Variants in PTPRG observed in about 807,000 individuals in gnomAD.
The protein encoded by PTPRG is protein tyrosine phosphatase receptor type G.
In PTPRG, 102 loss-of-function variants were observed where a neutral mutation model predicts 165.3. The observed-to-expected ratio is 0.62, with a 90% CI of 0.53 to 0.73. PTPRG has a LOEUF of 0.73. PTPRG is among the 30% of genes least tolerant of loss of function. The probability of loss-of-function intolerance (pLI) is 0.00; values close to 1 mark genes in which losing one functional copy is unlikely to be tolerated. For missense variants in PTPRG, 1,866 were observed against 1,861.4 expected (o/e 1.00, Z -0.05); for synonymous variants, 675 against 669.5 (o/e 1.01, Z -0.13).
chr3:61,728,589 A>C (rs1444547972), intron 1 of PTPRG, among the ~76,000 whole-genome samples: 1 of 152,278 alleles, frequency 6.6e-6, no homozygotes, highest in Non-Finnish European at 1.5e-5. Flanking sequence ...TCTCAAAAAA[A>C]ACAAGTTAAA....
chr3:62,024,359 T>C (rs1016855031), intron 4 of PTPRG, among the ~76,000 whole-genome samples: 2 of 152,036 alleles, frequency 1.3e-5, no homozygotes, highest in Non-Finnish European at 2.9e-5. Flanking sequence ...TATAATTATT[T>C]TGGCAATAGT....
chr3:62,052,742 C>T (rs1700505137), intron 4 of PTPRG, among the ~76,000 whole-genome samples: 1 of 152,064 alleles, frequency 6.6e-6, no homozygotes, highest in Admixed American at 6.6e-5. Context: ...AACTCTCTTG[C>T]TCACATTCTG....
intron 11 of PTPRG, 21 bp downstream of exon 11, chr3:62,201,575 T>G: frequency 1.2e-6 from 2 of 1,606,894 alleles, no homozygotes; most frequent in Non-Finnish European, 1.7e-6. Context: ...AATGGGAAAT[T>G]GCTTTGTCGT....
intron 4 of PTPRG, among the ~76,000 whole-genome samples, chr3:62,050,229 T>A (rs1011677041): frequency 1.3e-5 from 2 of 152,204 alleles, no homozygotes; most frequent in African/African-American, 4.8e-5. Flanking sequence ...ATCACATATA[T>A]GACAGTGGTT....
intron 4 of PTPRG, among the ~76,000 whole-genome samples, chr3:62,044,393 G>A (rs1213610071): frequency 6.6e-6 from 1 of 152,142 alleles, no homozygotes; most frequent in African/African-American, 2.4e-5. Flanking sequence ...ACAAAAATTA[G>A]CCGGGCATGG....
chr3:61,738,253 CAT>C (rs1491408620), intron 1 of PTPRG, among the ~76,000 whole-genome samples: 3 of 23,830 alleles, frequency 1.3e-4, no homozygotes, highest in Non-Finnish European at 8.1e-5. Flanking sequence ...CTTCTTTGTC[CAT>C]TTTTATATAT....
intron 2 of PTPRG, among the ~76,000 whole-genome samples, chr3:61,928,811 G>T (rs138176217): frequency 6.6e-6 from 1 of 152,178 alleles, no homozygotes; most frequent in East Asian, 1.9e-4. Context: ...CAGATGTATT[G>T]TGACAGTCTA....
At chr3:61,938,469 A>C (rs1180658509) in intron 2 of PTPRG, among the ~76,000 whole-genome samples, 3 of 152,176 alleles carry the variant, frequency 2.0e-5, no homozygotes, top group African/African-American at 7.2e-5. Flanking sequence ...AATCAAATTC[A>C]ATTTTAGGTG....
At chr3:61,600,192 ATGTGTGTGTG>A (rs1258297289) in intron 1 of PTPRG, among the ~76,000 whole-genome samples, 3 of 106,638 alleles carry the variant, frequency 2.8e-5, no homozygotes, top group South Asian at 3.6e-4. Context: ...ATATATATAT[ATGTGTGTGTG>A]TGTGTGTGTG....
At chr3:61,870,276 C>G (rs2037528084) in intron 2 of PTPRG, among the ~76,000 whole-genome samples, 1 of 151,434 alleles carries the variant, frequency 6.6e-6, no homozygotes, top group Non-Finnish European at 1.5e-5. Context: ...AACATACTTT[C>G]CTGATGCTAA....
At chr3:61,935,346 C>T (rs958346044) in intron 2 of PTPRG, among the ~76,000 whole-genome samples, 1 of 152,130 alleles carries the variant, frequency 6.6e-6, no homozygotes, top group Non-Finnish European at 1.5e-5. Flanking sequence ...TGATGGACAT[C>T]CTGTCTTCTC....
chr3:61,865,122 G>A (rs1394742220), intron 2 of PTPRG, among the ~76,000 whole-genome samples: 1 of 152,170 alleles, frequency 6.6e-6, no homozygotes, highest in Non-Finnish European at 1.5e-5. Flanking sequence ...TGGTATTTTT[G>A]TCCAGGAGCA....
chr3:62,031,506 T>A (rs1699768735), intron 4 of PTPRG, among the ~76,000 whole-genome samples: 1 of 152,170 alleles, frequency 6.6e-6, no homozygotes, highest in Non-Finnish European at 1.5e-5. Flanking sequence ...GTAATGAGTT[T>A]GGATTTTATT....
At chr3:61,649,409 G>C (rs1037454776) in intron 1 of PTPRG, among the ~76,000 whole-genome samples, 1 of 152,132 alleles carries the variant, frequency 6.6e-6, no homozygotes, top group African/African-American at 2.4e-5. Flanking sequence ...TCAGCTGTCT[G>C]GTGAGGGTTT....
chr3:62,094,477 T>G (rs1052529388), intron 5 of PTPRG, among the ~76,000 whole-genome samples: 1 of 152,208 alleles, frequency 6.6e-6, no homozygotes, highest in Non-Finnish European at 1.5e-5. Flanking sequence ...TCGTGAGAGC[T>G]TCGTGTTTTC....
chr3:62,076,497 TG>T (rs937089575), intron 4 of PTPRG, among the ~76,000 whole-genome samples: 7 of 149,122 alleles, frequency 4.7e-5, no homozygotes, highest in African/African-American at 1.8e-4. Context: ...TGGTTTTTTT[TG>T]TTTGTTTGTT....
chr3:62,048,757 G>C (rs558327995), intron 4 of PTPRG, among the ~76,000 whole-genome samples: 1 of 152,254 alleles, frequency 6.6e-6, no homozygotes, highest in South Asian at 2.1e-4. Flanking sequence ...CAAGTTTCCT[G>C]CATTACATAA....
intron 5 of PTPRG, among the ~76,000 whole-genome samples, chr3:62,096,952 T>A (rs1384760550): frequency 6.6e-6 from 1 of 152,200 alleles, no homozygotes; most frequent in Admixed American, 6.5e-5. Context: ...TTTTTAAATG[T>A]ACACAGTTTA....
At chr3:62,248,779 C>A (rs748057369) in intron 15 of PTPRG, among the ~76,000 whole-genome samples, 4 of 152,178 alleles carry the variant, frequency 2.6e-5, no homozygotes, top group South Asian at 2.1e-4. Context: ...ATTAGAAAAT[C>A]TAACTTTCTA....
Sources: allele counts gnomAD v4.1 joint callset (sites outside exome capture counted in the v4.1 genomes callset), GRCh38; gene constraint gnomAD v4.1.1; transcripts MANE v1.5; gene names NCBI Gene and HGNC (gene_info 2026-07-23, HGNC 2026-07-21).